The following TMTC1 variants were observed in gnomAD, a reference collection of about 807,000 sequenced individuals.
TMTC1 encodes protein O-mannosyl-transferase TMTC1.
In TMTC1, 73 loss-of-function variants were observed where a neutral mutation model predicts 104.8. That is an observed-to-expected ratio of 0.70 (90% CI 0.58 to 0.85). The LOEUF is 0.85. Among genes scored for constraint, TMTC1 ranks in the 40% least tolerant of loss-of-function variants. The pLI is 0.00. For synonymous variants in TMTC1, 434 were observed against 428.7 expected (o/e 1.01, Z -0.15); for missense variants, 1,035 against 1,096.1 (o/e 0.94, Z 0.79).
rs1466581501 is a variant in TMTC1, at chr12:29,514,561, T to C, written c.2351A>G (p.Asp784Gly). 2 of 1,614,058 alleles carry C rather than the reference T, an allele frequency of 1.2e-6. No individual in the cohort carries two copies. Among genetic ancestry groups the C allele is most frequent in the African/African-American group, 1.3e-5 (1 of 75,038 alleles). Residue 784 changes from aspartate (D) to glycine (G), a missense_variant, in exon 16 of 18, where the codon GAC becomes GGC. Physicochemically the swap from Asp to Gly is moderately conservative, Grantham distance 94. Transcript: ENST00000539277. ...IDKALQLKPK[D>G]PKVISELFFT... ...AAAAAGTTCAGAAATGACTTTTGGG[T>C]CCTTTGGTTTCAGCTGGAGAGCCTT... is the stretch of plus-strand genomic sequence containing the variant.
chr12:29,643,852 T>C, intron 5 of TMTC1, among the ~76,000 whole-genome samples: 1 of 85,728 alleles, frequency 1.2e-5, no homozygotes. Context: ...TATATTTATA[T>C]ATATTTATAT....
At chr12:29,676,708 A>C (rs1220195155) in intron 5 of TMTC1, among the ~76,000 whole-genome samples, 1 of 152,182 alleles carries the variant, frequency 6.6e-6, no homozygotes, top group Non-Finnish European at 1.5e-5. Context: ...TAATTCCACT[A>C]GGCAGGGGAT....
At chr12:29,616,669 C>CAA (rs71045821) in intron 6 of TMTC1, among the ~76,000 whole-genome samples, 159 of 79,218 alleles carry the variant, frequency 2.0e-3, no homozygotes, top group Non-Finnish European at 2.1e-3. Flanking sequence ...AACTTGGTCT[C>CAA]AAAAAAAAAA....
At chr12:29,552,767 A>C (rs1482758365) in intron 10 of TMTC1, among the ~76,000 whole-genome samples, 1 of 152,254 alleles carries the variant, frequency 6.6e-6, no homozygotes, top group Non-Finnish European at 1.5e-5. Context: ...ATTAAGTTCC[A>C]GGTTATAAAG....
chr12:29,635,815 G>A (rs571049333), intron 5 of TMTC1, among the ~76,000 whole-genome samples: 6 of 152,318 alleles, frequency 3.9e-5, no homozygotes, highest in East Asian at 1.9e-4. Context: ...GAAACAAAGG[G>A]CCCAGATTCT....
At chr12:29,768,910 C>T (rs1342397018) in intron 1 of TMTC1, among the ~76,000 whole-genome samples, 1 of 152,022 alleles carries the variant, frequency 6.6e-6, no homozygotes, top group East Asian at 1.9e-4. Flanking sequence ...CATAATACAC[C>T]CAATTGATTC....
intron 5 of TMTC1, among the ~76,000 whole-genome samples, chr12:29,720,692 G>C (rs1942213507): frequency 6.6e-6 from 1 of 151,916 alleles, no homozygotes; most frequent in Non-Finnish European, 1.5e-5. Context: ...AATTTAACAT[G>C]CTTCAATACG....
At chr12:29,560,503 A>G (rs963787182) in intron 9 of TMTC1, among the ~76,000 whole-genome samples, 2 of 152,220 alleles carry the variant, frequency 1.3e-5, no homozygotes, top group Non-Finnish European at 2.9e-5. Context: ...TCATGCCTGT[A>G]ATCCCAGCAC....
At chr12:29,659,954 C>T in intron 5 of TMTC1, 2 of 1,535,862 alleles carry the variant, frequency 1.3e-6, no homozygotes, top group Non-Finnish European at 1.7e-6. Flanking sequence ...CTCCCATTAT[C>T]CACAGACGGA....
At chr12:29,762,158 G>A (rs918887828) in intron 2 of TMTC1, among the ~76,000 whole-genome samples, 4 of 152,158 alleles carry the variant, frequency 2.6e-5, no homozygotes, top group South Asian at 2.1e-4. Context: ...CAGCCTGGGC[G>A]ACAGAGGAAG....
Position 29,783,524 on chromosome 12 carries a change from G to T in TMTC1, c.228C>A (p.Asn76Lys), listed in dbSNP as rs1476017089. 4.8e-6 allele frequency: 7 copies of T among 1,456,116 alleles called. No homozygotes were observed. Among genetic ancestry groups the T allele is most frequent in the Non-Finnish European group, 6.3e-6 (7 of 1,104,082 alleles). The allele number at this position is 1,456,116 out of a possible 1,614,324, so 90.2% of individuals were successfully genotyped here. ...GAPLRWGIFTNDFWGKGMAEN... is the reference protein window; with the variant it reads ...GAPLRWGIFTKDFWGKGMAEN... ...CGGCCATGCCCTTGCCCCAGAAGTC[G>T]TTGGTGAAGATGCCCCAGCGGAGCG... Residue 76 changes from asparagine to lysine, a missense_variant, in exon 1 of 18, where the codon AAC becomes AAA. Asn to Lys is a moderately conservative substitution (Grantham distance 94). Coordinates refer to ENST00000539277, the MANE Select transcript of TMTC1 (RefSeq NM_001193451.2). This position sits in a 1 kb window ranked among gnomAD's most constrained non-coding sequence, Gnocchi z 4.7.
intron 6 of TMTC1, among the ~76,000 whole-genome samples, chr12:29,626,934 C>G: frequency 6.6e-6 from 1 of 152,034 alleles, no homozygotes; most frequent in East Asian, 1.9e-4. Context: ...AACCACATCT[C>G]TACTAAAAAT....
intron 5 of TMTC1, among the ~76,000 whole-genome samples, chr12:29,699,826 A>G (rs1396919798): frequency 6.6e-6 from 1 of 151,656 alleles, no homozygotes; most frequent in African/African-American, 2.4e-5. Context: ...TTTATTTTGT[A>G]GAGATGGGTC....
rs200605964 is a variant in TMTC1 at position 29,550,933 on chromosome 12, C to CAAAAAAAA, written c.1676+5916_1676+5923dup. On this transcript the variant is annotated intron_variant, in intron 10 of 17. Coordinates refer to ENST00000539277, the MANE Select transcript of TMTC1 (RefSeq NM_001193451.2). ...TGGGGGAGAGAGTGGGACTCCATCT[C>CAAAAAAAA]AAAAAAAAAAAAAAAAAAAAAAAAA... Among the ~76,000 whole-genome samples the CAAAAAAAA allele has an allele frequency of 3.6e-4, 39 of 108,314 alleles. 4 individuals carry two copies. Among genetic ancestry groups the CAAAAAAAA allele is most frequent in the African/African-American group, 1.4e-3 (36 of 25,280 alleles). The allele number at this position is 108,314 out of a possible 152,430, so 71.1% of individuals were successfully genotyped here.
intron 5 of TMTC1, among the ~76,000 whole-genome samples, chr12:29,698,279 T>C (rs1941482899): frequency 6.6e-6 from 1 of 152,226 alleles, no homozygotes; most frequent in Admixed American, 6.5e-5. Context: ...CATATTGCCA[T>C]GATCCCCCAC....
chr12:29,619,629 C>T (rs931378216), intron 6 of TMTC1, among the ~76,000 whole-genome samples: 3 of 152,110 alleles, frequency 2.0e-5, no homozygotes, highest in African/African-American at 7.2e-5. Context: ...TTCTTAAATC[C>T]TGACTATTTT....
intron 5 of TMTC1, among the ~76,000 whole-genome samples, chr12:29,656,466 T>C (rs376595937): frequency 5.5e-4 from 84 of 151,822 alleles, no homozygotes; most frequent in Middle Eastern, 3.4e-3. Flanking sequence ...GCGATTCTCC[T>C]GCTTCAGCCT....
intron 6 of TMTC1, among the ~76,000 whole-genome samples, chr12:29,608,490 A>G (rs888638541): frequency 1.3e-5 from 2 of 152,242 alleles, no homozygotes; most frequent in African/African-American, 4.8e-5. Context: ...CAGCCATTAT[A>G]ATACATGACA....
At chr12:29,784,079 G>T (rs1943904175), upstream of TMTC1, among the ~76,000 whole-genome samples, 1 of 150,718 alleles carries the variant, frequency 6.6e-6, no homozygotes, top group Admixed American at 6.6e-5. Context: ...CTCTGCCCCC[G>T]GCCCGCCTTG....
Sources: gnomAD v4.1 joint callset for allele counts (sites outside exome capture counted in the v4.1 genomes callset) on GRCh38, gnomAD v4.1.1 for gene constraint, Gnocchi (gnomAD v3.1) non-coding constraint, MANE v1.5 for transcripts, NCBI Gene and HGNC (gene_info 2026-07-23, HGNC 2026-07-21) for gene names.